Variants in SPARCL1 observed in about 807,000 individuals in gnomAD.
The protein encoded by SPARCL1 is SPARC like 1, also known as SPARC-like protein 1.
Under a neutral mutation model 67.1 loss-of-function variants are expected in SPARCL1, and 52 were observed. The ratio of observed to expected loss-of-function variants is 0.78; its 90% CI spans 0.62 to 0.98. SPARCL1 has a LOEUF of 0.98. Ranked by LOEUF, SPARCL1 falls within the 50% of genes least tolerant of loss-of-function variation. SPARCL1 has a pLI of 0.00. For synonymous variants in SPARCL1, 226 were observed against 267.8 expected (o/e 0.84, Z 1.52); for missense variants, 717 against 782.4 (o/e 0.92, Z 1.00).
chr4:87,485,165 C>T (rs1723998617), intron 7 of SPARCL1, among the ~76,000 whole-genome samples: 1 of 151,976 alleles, frequency 6.6e-6, no homozygotes, highest in South Asian at 2.1e-4. Flanking sequence ...GGAATGTTTC[C>T]AGCTTCTGCC....
intron 10 of SPARCL1, among the ~76,000 whole-genome samples, chr4:87,475,174 C>CTCCT (rs899167772): frequency 6.6e-6 from 1 of 152,118 alleles, no homozygotes; most frequent in African/African-American, 2.4e-5. Flanking sequence ...CAAACATCCA[C>CTCCT]TCCTTACCCT....
chr4:87,513,445 G>A (rs754000562), intron 1 of SPARCL1, among the ~76,000 whole-genome samples: 28 of 152,306 alleles, frequency 1.8e-4, no homozygotes, highest in Non-Finnish European at 3.7e-4. Context: ...GCTTTGCCAA[G>A]TACTAAATAC....
At chr4:87,504,119 A>G (rs913156845) in intron 1 of SPARCL1, among the ~76,000 whole-genome samples, 1 of 131,484 alleles carries the variant, frequency 7.6e-6, no homozygotes, top group African/African-American at 2.8e-5. Context: ...AGCTGCACAT[A>G]GAAAGTGATT....
chr4:87,493,440 C>G, intron 4 of SPARCL1, 142 bp downstream of exon 4: 1 of 686,332 alleles, frequency 1.5e-6, no homozygotes, highest in Non-Finnish European at 2.3e-6. Flanking sequence ...AGAGATAGAC[C>G]TAAAAAGAAA....
chr4:87,505,752 T>C (rs1342244192), intron 1 of SPARCL1, among the ~76,000 whole-genome samples: 1 of 126,836 alleles, frequency 7.9e-6, no homozygotes, highest in Non-Finnish European at 1.6e-5. Flanking sequence ...AGAGATGGGG[T>C]CTTTCCATGT....
At chr4:87,490,688 C>A in intron 6 of SPARCL1, 72 bp downstream of exon 6, 1 of 1,087,068 alleles carries the variant, frequency 9.2e-7, no homozygotes, top group South Asian at 1.6e-5. Context: ...GCAAAAATTT[C>A]AATGGCAAAT....
intron 7 of SPARCL1, among the ~76,000 whole-genome samples, chr4:87,484,717 T>C (rs1424766229): frequency 6.6e-6 from 1 of 150,880 alleles, no homozygotes; most frequent in Non-Finnish European, 1.5e-5. Context: ...CATGAGCATT[T>C]GTTTGTGTCC....
chr4:87,480,581 T>A, intron 8 of SPARCL1, 61 bp from the exon 9 acceptor site: 1 of 1,457,364 alleles, frequency 6.9e-7, no homozygotes, highest in South Asian at 1.3e-5. Context: ...ACTTGTCACT[T>A]GCTATAAACT....
chr4:87,505,861 A>G (rs1347074788), intron 1 of SPARCL1, among the ~76,000 whole-genome samples: 1 of 151,672 alleles, frequency 6.6e-6, no homozygotes, highest in African/African-American at 2.4e-5. Flanking sequence ...GCCTAGCCTT[A>G]TATTTTAGAT....
intron 10 of SPARCL1, among the ~76,000 whole-genome samples, chr4:87,475,927 A>T (rs950230941): frequency 6.6e-6 from 1 of 152,254 alleles, no homozygotes; most frequent in African/African-American, 2.4e-5. Context: ...ATGCACTCAT[A>T]TGCTCGTTGC....
intron 1 of SPARCL1, among the ~76,000 whole-genome samples, chr4:87,524,237 T>C (rs1725944107): frequency 6.6e-6 from 1 of 152,196 alleles, no homozygotes. Context: ...CAATTCTTTT[T>C]TTTCCCCCTG....
chr4:87,514,803 T>C (rs533764820), intron 1 of SPARCL1, among the ~76,000 whole-genome samples: 1 of 152,324 alleles, frequency 6.6e-6, no homozygotes, highest in East Asian at 1.9e-4. Flanking sequence ...AGAACTTTCC[T>C]GGGAAATGAG....
chr4:87,495,699 G>A (rs1381694784), intron 2 of SPARCL1, among the ~76,000 whole-genome samples: 3 of 152,166 alleles, frequency 2.0e-5, no homozygotes, highest in Admixed American at 6.5e-5. Flanking sequence ...CGAGGTGGGT[G>A]GATCACCTGA....
chr4:87,483,150 A>G (rs1044042000), intron 7 of SPARCL1, among the ~76,000 whole-genome samples: 1 of 151,150 alleles, frequency 6.6e-6, no homozygotes, highest in African/African-American at 2.4e-5. Context: ...GGTTTGTTAC[A>G]TAGGTATACA....
chr4:87,497,831 T>G (rs1468687397), intron 2 of SPARCL1, among the ~76,000 whole-genome samples: 1 of 152,236 alleles, frequency 6.6e-6, no homozygotes, highest in Non-Finnish European at 1.5e-5. Flanking sequence ...CTTGGCTCAC[T>G]GCAGCCTCAA....
intron 10 of SPARCL1, among the ~76,000 whole-genome samples, chr4:87,477,634 C>T (rs1002521817): frequency 1.9e-4 from 29 of 152,164 alleles, no homozygotes; most frequent in Admixed American, 1.5e-3. Context: ...GAGGCCTACA[C>T]GATGGGATAC....
chr4:87,499,321 C>T (rs377757499), intron 2 of SPARCL1, among the ~76,000 whole-genome samples, 200 bp downstream of exon 2: 12 of 152,070 alleles, frequency 7.9e-5, no homozygotes, highest in African/African-American at 2.4e-4. Context: ...TCCTGTAGAA[C>T]CTGATAGTTC....
Position 87,473,817 on chromosome 4 carries a change from A to G in SPARCL1, c.1967-14T>C, listed in dbSNP as rs746336937. Reference sequence around the variant, plus strand: ...CATCTATGTCCTCTATAAAAAAACAAGAAGCAAAATGACACTTTTAGAAAG... The same window carrying G: ...CATCTATGTCCTCTATAAAAAAACAGGAAGCAAAATGACACTTTTAGAAAG... On this transcript the variant is annotated splice_polypyrimidine_tract_variant and intron_variant, in intron 10 of 10. Transcript: ENST00000282470. 3.6e-5 allele frequency: 57 copies of G among 1,597,252 alleles called. No homozygotes were observed. The highest frequency in any genetic ancestry group is 4.5e-5 in the South Asian group (4 of 89,800).
intron 7 of SPARCL1, among the ~76,000 whole-genome samples, chr4:87,485,313 A>G (rs767308686): frequency 2.0e-4 from 30 of 152,180 alleles, no homozygotes; most frequent in Non-Finnish European, 3.8e-4. Context: ...TTCTGCATCT[A>G]TTGAGATAAT....
Sources: gnomAD v4.1 joint callset for allele counts (sites outside exome capture counted in the v4.1 genomes callset) on GRCh38, gnomAD v4.1.1 for gene constraint, MANE v1.5 for transcripts, NCBI Gene and HGNC (gene_info 2026-07-23, HGNC 2026-07-21) for gene names.